Variants in C17orf67 observed in about 807,000 individuals in gnomAD.
The protein encoded by C17orf67 is chromosome 17 open reading frame 67.
In C17orf67, 12 loss-of-function variants were observed where a neutral mutation model predicts 11.2. The ratio of observed to expected loss-of-function variants is 1.07; its 90% confidence interval spans 0.68 to 1.73. The LOEUF (loss-of-function observed/expected upper bound fraction) is 1.73, where lower values mean the gene tolerates loss of function less well. C17orf67 is among the 40% of genes most tolerant of loss of function. C17orf67 has a pLI of 0.00. For missense variants in C17orf67, 115 were observed against 113.5 expected (o/e 1.01, Z -0.06); for synonymous variants, 59 against 46.9 (o/e 1.26, Z -1.05).
At chr17:56,830,299 C>T (rs553290486) in intron 2 of C17orf67, among the ~76,000 whole-genome samples, 36 of 151,208 alleles carry the variant, frequency 2.4e-4, no homozygotes, top group African/African-American at 4.4e-4. Flanking sequence ...GAGCCAAGAT[C>T]GCACCACTGC....
intron 2 of C17orf67, among the ~76,000 whole-genome samples, chr17:56,825,967 G>A (rs200219098): frequency 0.12 from 18,220 of 151,402 alleles, 1,221 homozygotes; most frequent in South Asian, 0.15. Context: ...GTGTGCACGC[G>A]TGTGTGTGAC....
chr17:56,806,221 G>A (rs539913169), intron 6 of C17orf67, among the ~76,000 whole-genome samples: 10 of 152,094 alleles, frequency 6.6e-5, no homozygotes, highest in East Asian at 1.9e-4. Context: ...TGATCCGGCC[G>A]CCTCAGCCTC....
intron 1 of C17orf67, 121 bp downstream of exon 1, chr17:56,833,497 G>A (rs1000510378): frequency 2.7e-5 from 4 of 150,710 alleles, no homozygotes; most frequent in Admixed American, 2.6e-4. Context: ...AACCGCGGCC[G>A]GGCTCGGGGT....
intron 7 of C17orf67, 79 bp from the exon 8 acceptor site, chr17:56,792,431 G>A (rs1379231592): frequency 6.7e-6 from 1 of 149,166 alleles, no homozygotes; most frequent in East Asian, 2.0e-4. Flanking sequence ...ATGATGGTGT[G>A]GCAGTGATGG....
At chr17:56,831,473 C>G (rs773442754) in intron 2 of C17orf67, among the ~76,000 whole-genome samples, 8 of 152,136 alleles carry the variant, frequency 5.3e-5, no homozygotes, top group Non-Finnish European at 8.8e-5. Flanking sequence ...ATACCAAGTG[C>G]TCAGATGGAC....
intron 2 of C17orf67, among the ~76,000 whole-genome samples, chr17:56,827,774 C>T (rs537050919): frequency 2.0e-5 from 3 of 152,204 alleles, no homozygotes; most frequent in Admixed American, 6.5e-5. Flanking sequence ...GTCCACACCT[C>T]ACGGGCTTAG....
chr17:56,832,567 G>A (rs1051391625), intron 2 of C17orf67, among the ~76,000 whole-genome samples: 2 of 152,118 alleles, frequency 1.3e-5, no homozygotes, highest in African/African-American at 4.8e-5. Context: ...GGGAGGATAG[G>A]ACCCTGACTC....
intron 2 of C17orf67, among the ~76,000 whole-genome samples, chr17:56,827,626 T>C (rs1170101641): frequency 1.3e-5 from 2 of 152,232 alleles, no homozygotes; most frequent in Non-Finnish European, 2.9e-5. Flanking sequence ...TGCAGTGTCA[T>C]GGAGGGGCTG....
At chr17:56,828,354 G>A (rs957003324) in intron 2 of C17orf67, among the ~76,000 whole-genome samples, 9 of 150,906 alleles carry the variant, frequency 6.0e-5, no homozygotes, top group African/African-American at 2.2e-4. Context: ...GTGGTGAGCC[G>A]GGATCACACC....
At chr17:56,795,421 TG>T in intron 6 of C17orf67, 1 of 514,378 alleles carries the variant, frequency 1.9e-6, no homozygotes, top group East Asian at 3.2e-5. Context: ...CATGAAAACA[TG>T]GGACAACAAC....
chr17:56,822,880 T>C lies in C17orf67; in HGVS notation c.-201+1859A>G, dbSNP rs183256227. Among the ~76,000 whole-genome samples the C allele has an allele frequency of 6.6e-5, 10 of 152,350 alleles. No individual in the cohort carries two copies. The East Asian group carries it at 1.9e-3, about 29-fold the overall frequency. On this transcript the variant is annotated intron_variant, in intron 4 of 7. Transcript: ENST00000397861. ...ATACAATGGTAAGATGTTTTGGCCTTGGACAGGGGCCTTTCCGGCCTGCTG... is the reference window on the plus strand; with the variant it reads ...ATACAATGGTAAGATGTTTTGGCCTCGGACAGGGGCCTTTCCGGCCTGCTG...
intron 2 of C17orf67, among the ~76,000 whole-genome samples, chr17:56,831,916 C>T: frequency 6.6e-6 from 1 of 152,136 alleles, no homozygotes; most frequent in South Asian, 2.1e-4. Context: ...CATCCTTCCC[C>T]CTATATCAAA....
intron 6 of C17orf67, among the ~76,000 whole-genome samples, chr17:56,814,264 G>C (rs1332089912): frequency 3.9e-5 from 6 of 152,152 alleles, no homozygotes; most frequent in Admixed American, 2.0e-4. Context: ...TATCATTTTA[G>C]CAACAGGAGG....
intron 4 of C17orf67, among the ~76,000 whole-genome samples, chr17:56,820,605 T>G (rs1330492084): frequency 6.6e-6 from 1 of 152,144 alleles, no homozygotes; most frequent in Non-Finnish European, 1.5e-5. Context: ...GAATCAATTT[T>G]TTTTCTCATC....
chr17:56,813,970 A>C (rs746277257), intron 6 of C17orf67, among the ~76,000 whole-genome samples: 3 of 152,182 alleles, frequency 2.0e-5, no homozygotes, highest in Non-Finnish European at 4.4e-5. Context: ...CTGACCCCAA[A>C]GTCAGCACTC....
chr17:56,818,130 C>T (rs1905805538), intron 4 of C17orf67, among the ~76,000 whole-genome samples: 1 of 149,470 alleles, frequency 6.7e-6, no homozygotes, highest in Admixed American at 6.7e-5. Flanking sequence ...AGATGTGAGC[C>T]AACACGTGCA....
chr17:56,792,560 A>G, intron 7 of C17orf67, among the ~76,000 whole-genome samples: 4 of 122,308 alleles, frequency 3.3e-5, no homozygotes, highest in Admixed American at 8.3e-5. Context: ...TGTGGCAGTG[A>G]TGGTGATGAT....
chr17:56,805,971 C>CTTTTT lies in C17orf67; in HGVS notation c.156+8893_156+8897dup, dbSNP rs10684052. ...AGGGACAGGACTACAGTTGATTTTC[C>CTTTTT]TTTTTTTTTTTTTTTTTTTTTGAGA... On this transcript the variant is annotated intron_variant, in intron 6 of 7. Coordinates refer to ENST00000397861, the MANE Select transcript of C17orf67 (RefSeq NM_001085430.4). Among the ~76,000 whole-genome samples, 59 of 98,004 alleles carry CTTTTT rather than the reference C, an allele frequency of 6.0e-4. 2 individuals carry two copies. The highest frequency in any genetic ancestry group is 6.6e-4 in the East Asian group (2 of 3,024). 64.3% of individuals were successfully genotyped at this position (98,004 alleles called of 152,430 possible).
rs1319545776 is a variant in C17orf67 at position 56,800,132 on chromosome 17, C to G, written c.157-4952G>C. The stretch of plus-strand genomic sequence containing the variant: ...CCAGGCTGGAGTGCAGTGGCGCCAT[C>G]GCGGCTCACTGCAAGCTCCGCTTCC... On this transcript the variant is annotated intron_variant, in intron 6 of 7. Coordinates refer to ENST00000397861, the MANE Select transcript of C17orf67 (RefSeq NM_001085430.4). 2.2e-5 allele frequency among the ~76,000 whole-genome samples: 3 copies of G among 139,022 alleles called. No homozygotes were observed. In the South Asian group the frequency reaches 6.6e-4, roughly 31 times the overall value. 91.2% of individuals were successfully genotyped at this position (139,022 alleles called of 152,430 possible). A position where few individuals can be genotyped will look rare whatever the true frequency, so the allele number is the denominator to read the frequency against.
Sources: allele counts gnomAD v4.1 joint callset (sites outside exome capture counted in the v4.1 genomes callset), GRCh38; gene constraint gnomAD v4.1.1; transcripts MANE v1.5; gene names NCBI Gene and HGNC (gene_info 2026-07-23, HGNC 2026-07-21).